Variants in SPOCK2 observed in about 807,000 individuals in gnomAD.
The protein encoded by SPOCK2 is SPARC (osteonectin), cwcv and kazal like domains proteoglycan 2.
In SPOCK2, 39 loss-of-function variants were observed where a neutral mutation model predicts 60.1. That is an observed-to-expected ratio of 0.65 (90% CI 0.50 to 0.85). The LOEUF (loss-of-function observed/expected upper bound fraction) is 0.85, where lower values mean the gene tolerates loss of function less well. SPOCK2 is among the 40% of genes least tolerant of loss of function. SPOCK2 has a pLI of 0.00. For missense variants in SPOCK2, 523 were observed against 567.4 expected (o/e 0.92, Z 0.80); for synonymous variants, 217 against 231.5 (o/e 0.94, Z 0.57).
At chr10:72,077,863 G>A (rs1268806375) in intron 1 of SPOCK2, among the ~76,000 whole-genome samples, 1 of 151,874 alleles carries the variant, frequency 6.6e-6, no homozygotes, top group Admixed American at 6.6e-5. Flanking sequence ...TGCCCTCCCT[G>A]CCCTACACCC....
Position 72,070,049 on chromosome 10 carries a change from T to C in SPOCK2, c.474+263A>G, listed in dbSNP as rs1378470826. 24 of 392,640 alleles carry C rather than the reference T, an allele frequency of 6.1e-5. No individual in the cohort carries two copies. In the East Asian group the frequency reaches 1.1e-3, roughly 19 times the overall value. The allele number at this position is 392,640 out of a possible 1,614,324, so 24.3% of individuals were successfully genotyped here. On this transcript the variant is annotated intron_variant, in intron 5 of 10. Transcript: ENST00000373109. ...CCTTTGACTTGCAGTTACCTGACCA[T>C]AGTGTCTCTTCCAGGCCCCACTCCC...
At chr10:72,064,960 G>T (rs372506128) in intron 8 of SPOCK2, among the ~76,000 whole-genome samples, 3 of 127,586 alleles carry the variant, frequency 2.4e-5, no homozygotes, top group African/African-American at 5.1e-5. Context: ...TTGATCTCCT[G>T]ACCTCATAAT....
chr10:72,073,177 C>T (rs1368915989), intron 1 of SPOCK2, among the ~76,000 whole-genome samples: 1 of 152,222 alleles, frequency 6.6e-6, no homozygotes, highest in Non-Finnish European at 1.5e-5. Flanking sequence ...GGCACCCCCA[C>T]TCCGTTCCCA....
At position 72,067,053 on chromosome 10, in the gene SPOCK2, G is replaced by A; in HGVS notation, c.777C>T (p.Thr259=). ...SIGWMFSKLD[T]SADLFLDQTE... ...TCTGGTCCAGGAAGAGGTCAGCACT[G>A]GTGTCCAGCTTGGAGAACATCCAGC... Residue 259 remains threonine, a synonymous_variant, in exon 8 of 11, where the codon ACC becomes ACT. Transcript: ENST00000373109. The A allele has an allele frequency of 1.2e-6, 2 of 1,614,198 alleles. No homozygotes were observed. The highest frequency in any genetic ancestry group is 1.7e-6 in the Non-Finnish European group (2 of 1,180,042).
Position 72,088,306 on chromosome 10 carries a change from C to A in SPOCK2, c.23G>T (p.Arg8Leu). Reference protein sequence around the residue: MRAPGCGRLVLPLLLLAA... With the variant: MRAPGCGLLVLPLLLLAA... ...CAGGAGCAGCAGCGGCAGCACCAGC[C>A]GCCCGCAGCCCGGGGCGCGCATCGT... Residue 8 changes from arginine (R) to leucine (L), a missense_variant, in exon 1 of 11, where the codon CGG becomes CTG. Transcript: ENST00000373109. 1.9e-6 allele frequency: 3 copies of A among 1,588,600 alleles called. No homozygotes were observed. The highest frequency in any genetic ancestry group is 2.6e-6 in the Non-Finnish European group (3 of 1,169,642).
rs753108814 is a variant in SPOCK2, at chr10:72,062,914, G to A, written c.1130-9C>T. Reference sequence around the variant, plus strand: ...GAAGCCCACGATGTCATCTGTGAGGGGATCAAGCCAACAGGGGGTGAGGGA... The same window carrying A: ...GAAGCCCACGATGTCATCTGTGAGGAGATCAAGCCAACAGGGGGTGAGGGA... On this transcript the variant is annotated splice_polypyrimidine_tract_variant and intron_variant, in intron 10 of 10. Coordinates refer to ENST00000373109, the MANE Select transcript of SPOCK2 (RefSeq NM_001244950.2). This position sits in a 1 kb window ranked among gnomAD's most constrained non-coding sequence, Gnocchi z 4.3. 11 of 1,596,952 alleles carry A rather than the reference G, an allele frequency of 6.9e-6. No individual in the cohort carries two copies. Among genetic ancestry groups the A allele is most frequent in the Non-Finnish European group, 9.4e-6 (11 of 1,174,460 alleles).
intron 5 of SPOCK2, among the ~76,000 whole-genome samples, chr10:72,069,685 C>T (rs1046476398): frequency 3.3e-5 from 5 of 152,032 alleles, no homozygotes; most frequent in African/African-American, 1.2e-4. Flanking sequence ...CTCAAACTCC[C>T]GGATTCAAGC....
chr10:72,071,459 G>A (rs1840646472), intron 4 of SPOCK2, among the ~76,000 whole-genome samples: 1 of 152,174 alleles, frequency 6.6e-6, no homozygotes, highest in Non-Finnish European at 1.5e-5. Context: ...AAAGTGCTGG[G>A]ATTACAGGCA....
chr10:72,087,981 T>C lies in SPOCK2; in HGVS notation c.189+159A>G, dbSNP rs751835. Among the ~76,000 whole-genome samples, 84,116 of 151,824 alleles carry C rather than the reference T, an allele frequency of 0.55. 25,617 individuals carry two copies. Among genetic ancestry groups the C allele is most frequent in the African/African-American group, 0.82 (33,997 of 41,472 alleles). ...GGCCGCAGGGACAGGGGAGGGGCGCTGGGCTGTGACCCCCAGTACTGTTTA... is the reference window on the plus strand; with the variant it reads ...GGCCGCAGGGACAGGGGAGGGGCGCCGGGCTGTGACCCCCAGTACTGTTTA... On this transcript the variant is annotated intron_variant, in intron 1 of 10. Coordinates refer to ENST00000373109, the MANE Select transcript of SPOCK2 (RefSeq NM_001244950.2). The surrounding 1 kb of genome is among the most constrained non-coding windows in gnomAD (Gnocchi z 4.7).
Position 72,087,017 on chromosome 10 carries a change from G to C in SPOCK2, c.189+1123C>G. ...CCTGGGGAAGGAGGAGTAAGGGCCA[G>C]GGTCCTAGAAGAGGTTTTCTGGGGT... is the stretch of plus-strand genomic sequence containing the variant. On this transcript the variant is annotated intron_variant, in intron 1 of 10. Transcript: ENST00000373109. The surrounding 1 kb of genome is among the most constrained non-coding windows in gnomAD (Gnocchi z 4.7). The C allele has an allele frequency of 6.4e-7, 1 of 1,551,082 alleles. No homozygotes were observed. Among genetic ancestry groups the C allele is most frequent in the Non-Finnish European group, 8.7e-7 (1 of 1,146,784 alleles).
chr10:72,079,568 G>A (rs1192532249), intron 1 of SPOCK2, among the ~76,000 whole-genome samples: 1 of 152,214 alleles, frequency 6.6e-6, no homozygotes, highest in African/African-American at 2.4e-5. Flanking sequence ...CGCAGGCCTA[G>A]TCAGGCTTAG....
chr10:72,076,266 C>T (rs888702300), intron 1 of SPOCK2, among the ~76,000 whole-genome samples: 1 of 152,154 alleles, frequency 6.6e-6, no homozygotes, highest in South Asian at 2.1e-4. Flanking sequence ...TCCCTGAGGC[C>T]AGGTGTGGGC....
intron 5 of SPOCK2, chr10:72,070,108 G>A (rs1840626293): frequency 1.8e-6 from 1 of 548,322 alleles, no homozygotes; most frequent in Non-Finnish European, 3.3e-6. Context: ...GGACAGACAG[G>A]GTCTGGCTCC....
chr10:72,064,391 A>G (rs1359959084), intron 8 of SPOCK2, 151 bp from the exon 9 acceptor site: 3 of 815,474 alleles, frequency 3.7e-6, no homozygotes, highest in Non-Finnish European at 5.4e-6. Context: ...AGGGGTGGGA[A>G]GTACAAGGGT....
intron 1 of SPOCK2, among the ~76,000 whole-genome samples, chr10:72,077,048 C>T (rs1396687480): frequency 1.3e-5 from 2 of 152,186 alleles, no homozygotes; most frequent in African/African-American, 4.8e-5. Flanking sequence ...ACGGTGTGTC[C>T]TCAAAGAAGT....
At chr10:72,070,462 G>A (rs374568329) in intron 4 of SPOCK2, 36 bp from the exon 5 acceptor site, 9 of 1,600,682 alleles carry the variant, frequency 5.6e-6, no homozygotes, top group African/African-American at 4.0e-5. Flanking sequence ...CAGGGTGGAA[G>A]TGACAATGAG....
chr10:72,088,564 C>G (rs1589128396), upstream of SPOCK2: 3 of 489,882 alleles, frequency 6.1e-6, no homozygotes, highest in South Asian at 1.0e-4. Context: ...AGAGGCTGCG[C>G]CAGCAGGGGC....
In SPOCK2 at chr10:72,067,002, G is replaced by A. The variant is rs765154598; in HGVS notation, c.828C>T (p.Asp276=). 3 of 1,614,236 alleles carry A rather than the reference G, an allele frequency of 1.9e-6. No individual in the cohort carries two copies. The highest frequency in any genetic ancestry group is 2.5e-6 in the Non-Finnish European group (3 of 1,180,052). ...AGGGACGGATGCAGACCTCGTACTT[G>A]TCCAGGTTGATGGCGGCCAGCTCCG... ...DQTELAAINL[D]KYEVCIRPFF... The change falls in exon 8 of 11, where the codon GAC becomes GAT. Residue 276 remains aspartate (D), a synonymous_variant. Coordinates refer to ENST00000373109, the MANE Select transcript of SPOCK2 (RefSeq NM_001244950.2).
chr10:72,086,813 T>A (rs1197025700), intron 1 of SPOCK2: 1 of 1,529,382 alleles, frequency 6.5e-7, no homozygotes, highest in Non-Finnish European at 8.8e-7. Context: ...CAGTCACTTG[T>A]CTGACGGTAA....
Sources: allele counts gnomAD v4.1 joint callset (sites outside exome capture counted in the v4.1 genomes callset), GRCh38; gene constraint gnomAD v4.1.1; non-coding constraint Gnocchi (gnomAD v3.1); transcripts MANE v1.5; gene names NCBI Gene and HGNC (gene_info 2026-07-23, HGNC 2026-07-21).